The following LAMP5 variants were observed in gnomAD, a reference collection of about 807,000 sequenced individuals.
The protein encoded by LAMP5 is lysosome associated membrane protein 5, also known as lysosome-associated membrane glycoprotein 5.
LAMP5 carries 36 observed loss-of-function variants against 30.2 expected under a neutral mutation model. That is an observed-to-expected ratio of 1.19 (90% CI 0.91 to 1.57). The LOEUF is 1.57. Among genes scored for constraint, LAMP5 ranks in the 40% most tolerant of loss-of-function variants. LAMP5 has a pLI of 0.00. For missense variants in LAMP5, 377 were observed against 354.9 expected, an observed-to-expected ratio of 1.06 and a Z score of -0.50; for synonymous variants, 149 against 134.6, an observed-to-expected ratio of 1.11 and a Z score of -0.74.
At chr20:9,522,972 C>CTTTTTTT (rs60017722) in intron 5 of LAMP5, among the ~76,000 whole-genome samples, 88 of 104,152 alleles carry the variant, frequency 8.4e-4, no homozygotes, top group African/African-American at 1.6e-3. Context: ...ATACTTAAAT[C>CTTTTTTT]TTTTTTTTTT....
At chr20:9,518,265 T>C (rs1477976921) in intron 5 of LAMP5, 37 bp downstream of exon 5, 10 of 1,592,916 alleles carry the variant, frequency 6.3e-6, no homozygotes, top group Non-Finnish European at 8.6e-6. Context: ...GAAGACCTAG[T>C]TTATTTCAGG....
rs563144782 is a variant in LAMP5, at chr20:9,516,704, T to C, written c.475+343T>C. On this transcript the variant is annotated intron_variant, in intron 4 of 5. Transcript: ENST00000246070. ...ACCACGGAGAAGGGCAAAGCTGCAT[T>C]TTAATTTTCTTCCGCATCCTGGTTT... Among the ~76,000 whole-genome samples the C allele has an allele frequency of 1.1e-4, 17 of 152,290 alleles. No individual in the cohort carries two copies. In the East Asian group the frequency reaches 3.1e-3, roughly 28 times the overall value.
In LAMP5 at chr20:9,516,783, A is replaced by G. The variant is rs150862273; in HGVS notation, c.475+422A>G. On this transcript the variant is annotated intron_variant, in intron 4 of 5. Transcript: ENST00000246070. ...GGCAGTGCGACTTTCCTTTTCAGTC[A>G]GGATGTGATGGCCTTCAGTGTCTTT... 2.1e-3 allele frequency among the ~76,000 whole-genome samples: 322 copies of G among 152,296 alleles called. 3 individuals carry two copies. The highest frequency in any genetic ancestry group is 7.2e-3 in the African/African-American group (298 of 41,572).
intron 5 of LAMP5, among the ~76,000 whole-genome samples, chr20:9,528,017 G>A (rs2045125458): frequency 6.6e-6 from 1 of 152,084 alleles, no homozygotes; most frequent in Non-Finnish European, 1.5e-5. Context: ...GTTTATCCCA[G>A]CATTATTCAC....
intron 5 of LAMP5, among the ~76,000 whole-genome samples, chr20:9,523,627 G>A (rs1427658839): frequency 6.6e-6 from 1 of 152,142 alleles, no homozygotes; most frequent in Non-Finnish European, 1.5e-5. Context: ...TCTTTCCAAT[G>A]ATGAGGCTGG....
chr20:9,520,247 G>A (rs11697444), intron 5 of LAMP5, among the ~76,000 whole-genome samples: 14,708 of 152,258 alleles, frequency 0.097, 889 homozygotes, highest in East Asian at 0.32. Flanking sequence ...CTTACGCCTT[G>A]ACATTCCTGG....
intron 2 of LAMP5, 87 bp downstream of exon 2, chr20:9,515,712 T>G: frequency 1.4e-6 from 2 of 1,451,550 alleles, no homozygotes; most frequent in South Asian, 1.3e-5. Flanking sequence ...AGACCTGGGT[T>G]GCCCGCCTTC....
rs1353270234 is a variant in LAMP5 at position 9,518,034 on chromosome 20, C to G, written c.476-6C>G. 7.4e-6 allele frequency: 11 copies of G among 1,485,454 alleles called. No homozygotes were observed. Among genetic ancestry groups the G allele is most frequent in the Non-Finnish European group, 1.0e-5 (11 of 1,093,728 alleles). 92.0% of individuals were successfully genotyped at this position (1,485,454 alleles called of 1,614,324 possible). On this transcript the variant is annotated splice_region_variant and splice_polypyrimidine_tract_variant and intron_variant, in intron 4 of 5. Coordinates refer to ENST00000246070, the MANE Select transcript of LAMP5 (RefSeq NM_012261.4). ...TTCTAACTATTGCTCTGGGCTCTTG[C>G]TGTAGCTGGGAAGCACACAGCCAAC...
In LAMP5 at chr20:9,530,076, T is replaced by A. The variant is rs2045140653; in HGVS notation, c.*256T>A. 8.9e-6 allele frequency: 3 copies of A among 337,212 alleles called. No homozygotes were observed. Among genetic ancestry groups the A allele is most frequent in the Non-Finnish European group, 1.1e-5 (2 of 182,840 alleles). 20.9% of individuals were successfully genotyped at this position (337,212 alleles called of 1,614,324 possible). Reference sequence around the variant, plus strand: ...GGAGGAGGGTCTCAGACAGCTTTCGTGCTCATGGTGGCTTGGCTTTGACTC... The same window carrying A: ...GGAGGAGGGTCTCAGACAGCTTTCGAGCTCATGGTGGCTTGGCTTTGACTC... On this transcript the variant is annotated 3_prime_UTR_variant, in exon 6 of 6. Transcript: ENST00000246070.
chr20:9,520,435 C>T (rs547002152), intron 5 of LAMP5, among the ~76,000 whole-genome samples: 152 of 152,288 alleles, frequency 1.0e-3, no homozygotes, highest in African/African-American at 3.3e-3. Flanking sequence ...GGTGCCTTTT[C>T]GGGATCTATC....
In LAMP5 at chr20:9,514,749, C is replaced by G; in HGVS notation, c.-104C>G. ...TCCCTCCCTCCCCCTTCTCTGTCCCCCGCCTCTCGCTCACCCCGGCCCACT... is the reference window on the plus strand; with the variant it reads ...TCCCTCCCTCCCCCTTCTCTGTCCCGCGCCTCTCGCTCACCCCGGCCCACT... On this transcript the variant is annotated 5_prime_UTR_variant, in exon 1 of 6. Coordinates refer to ENST00000246070, the MANE Select transcript of LAMP5 (RefSeq NM_012261.4). The G allele has an allele frequency of 2.0e-6, 2 of 1,007,172 alleles. No individual in the cohort carries two copies. Among genetic ancestry groups the G allele is most frequent in the Non-Finnish European group, 3.1e-6 (2 of 652,356 alleles). The allele number at this position is 1,007,172 out of a possible 1,614,324, so 62.4% of individuals were successfully genotyped here.
At chr20:9,525,556 G>A (rs1441109352) in intron 5 of LAMP5, among the ~76,000 whole-genome samples, 1 of 152,152 alleles carries the variant, frequency 6.6e-6, no homozygotes, top group Non-Finnish European at 1.5e-5. Flanking sequence ...CCCTCTTGAT[G>A]TGATGATCTG....
At chr20:9,520,609 G>T (rs888582470) in intron 5 of LAMP5, among the ~76,000 whole-genome samples, 6 of 151,694 alleles carry the variant, frequency 4.0e-5, no homozygotes, top group South Asian at 2.1e-4. Context: ...GTGTGTGTTT[G>T]TGTGTTCATG....
At chr20:9,524,904 T>G (rs976380037) in intron 5 of LAMP5, among the ~76,000 whole-genome samples, 7 of 152,152 alleles carry the variant, frequency 4.6e-5, no homozygotes, top group African/African-American at 1.7e-4. Context: ...GCTTTGTGGA[T>G]TTTGAAACAG....
intron 1 of LAMP5, 141 bp downstream of exon 1, chr20:9,515,057 G>C: frequency 1.3e-6 from 1 of 773,428 alleles, no homozygotes; most frequent in Non-Finnish European, 2.1e-6. Flanking sequence ...TCTTTTAGGG[G>C]AGGAGGGAGG....
chr20:9,514,780 G>C lies in LAMP5; in HGVS notation c.-73G>C. On this transcript the variant is annotated 5_prime_UTR_variant, in exon 1 of 6. Coordinates refer to ENST00000246070, the MANE Select transcript of LAMP5 (RefSeq NM_012261.4). Reference sequence around the variant, plus strand: ...CTCGCTCACCCCGGCCCACTCCAGCGGCGACTTTGAGGGATTCCCTCTCTG... The same window carrying C: ...CTCGCTCACCCCGGCCCACTCCAGCCGCGACTTTGAGGGATTCCCTCTCTG... 2.1e-6 allele frequency: 3 copies of C among 1,434,024 alleles called. No homozygotes were observed. In the South Asian group the frequency reaches 3.5e-5, roughly 17 times the overall value. The allele number at this position is 1,434,024 out of a possible 1,614,324, so 88.8% of individuals were successfully genotyped here.
In LAMP5 at chr20:9,514,685, C is replaced by A; in HGVS notation, c.-168C>A. On this transcript the variant is annotated 5_prime_UTR_variant, in exon 1 of 6. Coordinates refer to ENST00000246070, the MANE Select transcript of LAMP5 (RefSeq NM_012261.4). ...TGCCAGCAGCTGTCGGTGCCGCGCT[C>A]GACACCGAGTCCTAGCTAGGCGCTC... The A allele has an allele frequency of 1.6e-6, 1 of 610,126 alleles. No homozygotes were observed. The highest frequency in any genetic ancestry group is 2.0e-5 in the South Asian group (1 of 50,916). The allele number at this position is 610,126 out of a possible 1,614,324, so 37.8% of individuals were successfully genotyped here. A position where few individuals can be genotyped will look rare whatever the true frequency, so the allele number is the denominator to read the frequency against.
At chr20:9,527,305 G>T (rs1337626791) in intron 5 of LAMP5, among the ~76,000 whole-genome samples, 2 of 152,128 alleles carry the variant, frequency 1.3e-5, no homozygotes, top group African/African-American at 4.8e-5. Flanking sequence ...ATTACCTTAT[G>T]TGTAAAATGA....
intron 1 of LAMP5, 163 bp downstream of exon 1, chr20:9,515,079 C>G (rs533585514): frequency 1.0e-5 from 7 of 678,906 alleles, no homozygotes; most frequent in South Asian, 7.5e-5. Flanking sequence ...CCTTCCTCGC[C>G]GGTGGCAGGG....
Sources: allele counts gnomAD v4.1 joint callset (sites outside exome capture counted in the v4.1 genomes callset), GRCh38; gene constraint gnomAD v4.1.1; transcripts MANE v1.5; gene names NCBI Gene and HGNC (gene_info 2026-07-23, HGNC 2026-07-21).